Variants in NEDD9 observed in about 807,000 individuals in gnomAD.
NEDD9 encodes the protein neural precursor cell expressed, developmentally down-regulated 9.
NEDD9 carries 26 observed loss-of-function variants against 76.6 expected under a neutral mutation model. The observed-to-expected ratio is 0.34, with a 90% CI of 0.25 to 0.47. The LOEUF (loss-of-function observed/expected upper bound fraction) is 0.47. Among genes scored for constraint, NEDD9 ranks in the 20% least tolerant of loss-of-function variants. The pLI is 1.00. For synonymous variants in NEDD9, 392 were observed against 414.2 expected, an observed-to-expected ratio of 0.95 and a Z score of 0.65; for missense variants, 937 against 1,058.5, an observed-to-expected ratio of 0.89 and a Z score of 1.59.
chr6:11,204,731 AAAAAAAG>A (rs1490838441), intron 2 of NEDD9, among the ~76,000 whole-genome samples: 4 of 150,722 alleles, frequency 2.7e-5, no homozygotes, highest in African/African-American at 7.3e-5. Flanking sequence ...AAAAAAAAAA[AAAAAAAG>A]AAAGAAAGAA....
At chr6:11,331,922 G>T (rs1478537665) in intron 2 of NEDD9, among the ~76,000 whole-genome samples, 2 of 152,222 alleles carry the variant, frequency 1.3e-5, no homozygotes, top group African/African-American at 2.4e-5. Flanking sequence ...GAGGGGAGCT[G>T]TAGTTCAAAT....
intron 2 of NEDD9, among the ~76,000 whole-genome samples, chr6:11,316,669 T>C (rs947205249): frequency 6.6e-6 from 1 of 152,126 alleles, no homozygotes; most frequent in African/African-American, 2.4e-5. Flanking sequence ...GCAGTTGAAA[T>C]GGAGGTGGAG....
intron 1 of NEDD9, among the ~76,000 whole-genome samples, chr6:11,222,605 T>C (rs1050987954): frequency 6.6e-6 from 1 of 152,240 alleles, no homozygotes; most frequent in Non-Finnish European, 1.5e-5. Context: ...GAGAATAAAA[T>C]AGCTTTCTTA....
chr6:11,322,721 G>T (rs1280636232), intron 2 of NEDD9, among the ~76,000 whole-genome samples: 1 of 152,176 alleles, frequency 6.6e-6, no homozygotes, highest in African/African-American at 2.4e-5. Flanking sequence ...GTCATTACCG[G>T]AATGACGTGT....
At chr6:11,319,628 C>CA (rs1216280922) in intron 2 of NEDD9, among the ~76,000 whole-genome samples, 3 of 145,360 alleles carry the variant, frequency 2.1e-5, no homozygotes, top group African/African-American at 7.5e-5. Context: ...CACACACACA[C>CA]ACACTAACAT....
chr6:11,243,260 A>C (rs1358216563), intron 3 of NEDD9, among the ~76,000 whole-genome samples: 1 of 152,230 alleles, frequency 6.6e-6, no homozygotes, highest in Non-Finnish European at 1.5e-5. Context: ...AAAGCCATTG[A>C]TGCATAGAAT....
chr6:11,381,315 C>T (rs1304237300), intron 1 of NEDD9, among the ~76,000 whole-genome samples: 1 of 152,202 alleles, frequency 6.6e-6, no homozygotes, highest in Non-Finnish European at 1.5e-5. Flanking sequence ...CCTACTCTCA[C>T]TTCTCAACAC....
intron 3 of NEDD9, among the ~76,000 whole-genome samples, chr6:11,249,855 C>T (rs1015125649): frequency 4.6e-5 from 7 of 152,282 alleles, no homozygotes; most frequent in African/African-American, 9.6e-5. Flanking sequence ...TGTTGGCTCG[C>T]GTGGGCTTCC....
At chr6:11,278,933 A>T (rs1247070131) in intron 3 of NEDD9, among the ~76,000 whole-genome samples, 1 of 152,164 alleles carries the variant, frequency 6.6e-6, no homozygotes, top group African/African-American at 2.4e-5. Flanking sequence ...TAAAAAAAAA[A>T]AGCAGGGGGA....
intron 3 of NEDD9, among the ~76,000 whole-genome samples, chr6:11,248,080 C>T (rs1188368909): frequency 6.6e-6 from 1 of 151,844 alleles, no homozygotes; most frequent in East Asian, 1.9e-4. Flanking sequence ...AGTTTTTTAA[C>T]TCTTGAAAGA....
intron 2 of NEDD9, among the ~76,000 whole-genome samples, chr6:11,205,670 A>G (rs994886644): frequency 6.6e-6 from 1 of 151,230 alleles, no homozygotes; most frequent in African/African-American, 2.4e-5. Context: ...CTTGTTGCCC[A>G]GGCTGGAGTG....
intron 3 of NEDD9, among the ~76,000 whole-genome samples, chr6:11,253,485 T>G (rs991307945): frequency 2.0e-5 from 3 of 152,238 alleles, no homozygotes; most frequent in African/African-American, 7.2e-5. Context: ...TTTCTTTCCC[T>G]GCACAACCCC....
At chr6:11,294,856 C>T (rs1760854977) in intron 3 of NEDD9, among the ~76,000 whole-genome samples, 1 of 152,128 alleles carries the variant, frequency 6.6e-6, no homozygotes, top group South Asian at 2.1e-4. Flanking sequence ...ATTGTATCTC[C>T]CATAATTCCC....
chr6:11,362,787 G>A (rs530539048), intron 1 of NEDD9, among the ~76,000 whole-genome samples: 4 of 152,306 alleles, frequency 2.6e-5, no homozygotes, highest in African/African-American at 9.6e-5. Context: ...TGTTAATGGA[G>A]CAGACCTTTA....
At chr6:11,192,266 C>A (rs1758163231) in intron 4 of NEDD9, 79 bp downstream of exon 4, 2 of 330,018 alleles carry the variant, frequency 6.1e-6, no homozygotes, top group African/African-American at 3.7e-5. Context: ...ACTACTTACC[C>A]ACCCTCCCAA....
intron 3 of NEDD9, among the ~76,000 whole-genome samples, chr6:11,278,823 A>G (rs1760470483): frequency 6.6e-6 from 1 of 152,120 alleles, no homozygotes; most frequent in Non-Finnish European, 1.5e-5. Context: ...GTCCTAGCCC[A>G]CAGCGGCAAT....
intron 3 of NEDD9, among the ~76,000 whole-genome samples, chr6:11,281,592 G>A (rs1475173490): frequency 6.6e-6 from 1 of 152,052 alleles, no homozygotes; most frequent in East Asian, 1.9e-4. Flanking sequence ...GCACTCAAGG[G>A]ATCCTCCTGC....
At chr6:11,215,240 T>C (rs1180795099) in intron 1 of NEDD9, among the ~76,000 whole-genome samples, 1 of 152,210 alleles carries the variant, frequency 6.6e-6, no homozygotes, top group East Asian at 1.9e-4. Flanking sequence ...GGAAGCTTTG[T>C]GATACTCTTC....
chr6:11,319,714 A>G (rs1361559770), intron 2 of NEDD9, among the ~76,000 whole-genome samples: 1 of 139,372 alleles, frequency 7.2e-6, no homozygotes, highest in Non-Finnish European at 1.5e-5. Flanking sequence ...GCACACACAA[A>G]CATGCACACT....
Sources: gnomAD v4.1 joint callset for allele counts (sites outside exome capture counted in the v4.1 genomes callset) on GRCh38, gnomAD v4.1.1 for gene constraint, MANE v1.5 for transcripts, NCBI Gene and HGNC (gene_info 2026-07-23, HGNC 2026-07-21) for gene names.